Variants in CACNA1A observed in about 807,000 individuals in gnomAD.
The protein encoded by CACNA1A is calcium voltage-gated channel subunit alpha1 A.
Under a neutral mutation model 262.4 loss-of-function variants are expected in CACNA1A, and 57 were observed. That is an observed-to-expected ratio of 0.22 (90% CI 0.18 to 0.27). The LOEUF is 0.27. Among genes scored for constraint, CACNA1A ranks in the 10% least tolerant of loss-of-function variants. The pLI is 1.00. For missense variants in CACNA1A, 2,526 were observed against 3,562.8 expected, an observed-to-expected ratio of 0.71 and a Z score of 7.41; for synonymous variants, 1,431 against 1,419.3, an observed-to-expected ratio of 1.01 and a Z score of -0.18.
intron 40 of CACNA1A, among the ~76,000 whole-genome samples, chr19:13,213,293 G>GT (rs2054885496): frequency 6.6e-6 from 1 of 152,054 alleles, no homozygotes. Flanking sequence ...ACCCTTCCAG[G>GT]TATTGCTTAG....
intron 19 of CACNA1A, 32 bp downstream of exon 19, chr19:13,298,512 C>G: frequency 6.6e-7 from 1 of 1,511,342 alleles, no homozygotes; most frequent in Non-Finnish European, 8.9e-7. Context: ...ATGTTACCGT[C>G]ATTCTGCGGA....
chr19:13,298,668 C>A lies in CACNA1A; in HGVS notation c.2965G>T (p.Gly989Cys). ...HREGSRPARG[G>C]EGEGEGPDGG... Reference sequence around the variant, plus strand: ...TCGGGGCCCTCGCCCTCGCCCTCGCCGCCCCGGGCCGGCCGGCTGCCCTCG... The same window carrying A: ...TCGGGGCCCTCGCCCTCGCCCTCGCAGCCCCGGGCCGGCCGGCTGCCCTCG... Residue 989 changes from glycine to cysteine, a missense_variant, in exon 19 of 47, where the codon GGC (glycine) becomes TGC (cysteine). Transcript: ENST00000360228. 6.7e-7 allele frequency: 1 copy of A among 1,483,968 alleles called. No homozygotes were observed. The highest frequency in any genetic ancestry group is 8.9e-7 in the Non-Finnish European group (1 of 1,119,436). The allele number at this position is 1,483,968 out of a possible 1,614,324, so 91.9% of individuals were successfully genotyped here.
chr19:13,351,201 A>G (rs904065737), intron 6 of CACNA1A, among the ~76,000 whole-genome samples: 1 of 152,186 alleles, frequency 6.6e-6, no homozygotes, highest in African/African-American at 2.4e-5. Context: ...CCACTCTCAA[A>G]GTAGGGGAGA....
In CACNA1A at chr19:13,402,859, C is replaced by T. The variant is rs867086092; in HGVS notation, c.540-31080G>A. On this transcript the variant is annotated intron_variant, in intron 3 of 46. Coordinates refer to ENST00000360228, the MANE Select transcript of CACNA1A (RefSeq NM_001127222.2). ...ACATATATATACACATATATATATA[C>T]ACACACACACACACATATATATATA... 2.0e-3 allele frequency among the ~76,000 whole-genome samples: 117 copies of T among 58,788 alleles called. 1 individual carries two copies. The highest frequency in any genetic ancestry group is 1.8e-3 in the Non-Finnish European group (62 of 33,784). 38.6% of individuals were successfully genotyped at this position (58,788 alleles called of 152,430 possible).
intron 10 of CACNA1A, among the ~76,000 whole-genome samples, chr19:13,320,747 G>A (rs1031051926): frequency 2.6e-5 from 4 of 151,778 alleles, no homozygotes; most frequent in African/African-American, 9.7e-5. Context: ...CCTGTCTCTC[G>A]TTTTTCTCTG....
At chr19:13,386,304 G>A (rs2059612501) in intron 3 of CACNA1A, among the ~76,000 whole-genome samples, 1 of 152,180 alleles carries the variant, frequency 6.6e-6, no homozygotes, top group Non-Finnish European at 1.5e-5. Context: ...CTTGCAATAA[G>A]AGCACTTGTC....
rs200003882 is a variant in CACNA1A at position 13,385,666 on chromosome 19, ATTTATT to A, written c.540-13893_540-13888del. On this transcript the variant is annotated intron_variant, in intron 3 of 46. Transcript: ENST00000360228. ...AAGCCACTGTGCCTGGCTTTGCAAA[ATTTATT>A]TTTATTTTTTATTTTATTTTTTAGA... Among the ~76,000 whole-genome samples, 140 of 152,128 alleles carry A rather than the reference ATTTATT, an allele frequency of 9.2e-4. 2 individuals are homozygous for A. The East Asian group carries it at 0.024, about 26-fold the overall frequency.
At chr19:13,369,547 T>C (rs974910025) in intron 4 of CACNA1A, among the ~76,000 whole-genome samples, 2 of 152,224 alleles carry the variant, frequency 1.3e-5, no homozygotes, top group Non-Finnish European at 2.9e-5. Flanking sequence ...CTTCTCCATC[T>C]GTAAATGGGG....
At chr19:13,385,213 T>TTTTCTATTCTTTC (rs1437348969) in intron 3 of CACNA1A, among the ~76,000 whole-genome samples, 1 of 151,624 alleles carries the variant, frequency 6.6e-6, no homozygotes, top group African/African-American at 2.4e-5. Flanking sequence ...AGGGCAGATA[T>TTTTCTATTCTTTC]TTTCTATTCT....
chr19:13,207,462 A>C lies in CACNA1A; in HGVS notation c.7372T>G (p.Ser2458Ala), dbSNP rs771160113. ...TGRSPRTPRA[S>A]GPACASPSRH... ...GAAGGCGAGGCGCAGGCCGGGCCCGAGGCCCGGGGAGTCCTGGGCGAGCGC... is the reference window on the plus strand; with the variant it reads ...GAAGGCGAGGCGCAGGCCGGGCCCGCGGCCCGGGGAGTCCTGGGCGAGCGC... Residue 2458 changes from serine (S) to alanine (A), a missense_variant, in exon 47 of 47, where the codon TCG (serine) becomes GCG (alanine). Around this residue, in one of 17 missense-constraint regions of CACNA1A, gnomAD observed 929 missense variants for 868.1 expected, o/e 1.07. Coordinates refer to ENST00000360228, the MANE Select transcript of CACNA1A (RefSeq NM_001127222.2). This position sits in a 1 kb window ranked among gnomAD's most constrained non-coding sequence, Gnocchi z 5.7. 2 of 1,485,354 alleles carry C rather than the reference A, an allele frequency of 1.3e-6. No individual in the cohort carries two copies. The highest frequency in any genetic ancestry group is 2.5e-5 in the South Asian group (2 of 80,684). The allele number at this position is 1,485,354 out of a possible 1,614,324, so 92.0% of individuals were successfully genotyped here. A position where few individuals can be genotyped will look rare whatever the true frequency, so the allele number is the denominator to read the frequency against.
In CACNA1A at chr19:13,365,297, A is replaced by C; in HGVS notation, c.784+20T>G. The C allele has an allele frequency of 1.2e-6, 2 of 1,601,126 alleles. No homozygotes were observed. Among genetic ancestry groups the C allele is most frequent in the Non-Finnish European group, 1.7e-6 (2 of 1,171,074 alleles). On this transcript the variant is annotated intron_variant, in intron 5 of 46. Coordinates refer to ENST00000360228, the MANE Select transcript of CACNA1A (RefSeq NM_001127222.2). ...CTGAAGGAGAAAACTGGAAAGATGC[A>C]TCATGCTCCGTGGACCTACCTGTCC...
intron 1 of CACNA1A, among the ~76,000 whole-genome samples, chr19:13,464,730 A>G (rs12985934): frequency 0.22 from 32,227 of 149,752 alleles, 3,565 homozygotes; most frequent in East Asian, 0.37. Flanking sequence ...TAGTATTTTT[A>G]GTAGAGACGG....
At position 13,419,213 on chromosome 19, in the gene CACNA1A, T is replaced by C. The variant is rs191442361; in HGVS notation, c.539+33663A>G. 2.8e-3 allele frequency among the ~76,000 whole-genome samples: 419 copies of C among 152,360 alleles called. 2 individuals carry two copies. The highest frequency in any genetic ancestry group is 9.6e-3 in the African/African-American group (399 of 41,596). Reference sequence around the variant, plus strand: ...CAAATACTTACCATTGTGTTACAACTGCCTACAGTATTCAAGACAGTAACC... The same window carrying C: ...CAAATACTTACCATTGTGTTACAACCGCCTACAGTATTCAAGACAGTAACC... On this transcript the variant is annotated intron_variant, in intron 3 of 46. Transcript: ENST00000360228.
At chr19:13,358,627 C>G (rs747778368) in intron 6 of CACNA1A, among the ~76,000 whole-genome samples, 1 of 152,092 alleles carries the variant, frequency 6.6e-6, no homozygotes, top group Non-Finnish European at 1.5e-5. Context: ...TTCTGAGGAA[C>G]TAAAGGGGTT....
intron 1 of CACNA1A, among the ~76,000 whole-genome samples, chr19:13,502,220 A>C (rs1982465455): frequency 6.6e-6 from 1 of 151,842 alleles, no homozygotes; most frequent in Non-Finnish European, 1.5e-5. Flanking sequence ...CAGATGTCAA[A>C]GTGATGTCAC....
intron 6 of CACNA1A, among the ~76,000 whole-genome samples, chr19:13,354,581 G>A (rs1037018609): frequency 6.6e-6 from 1 of 152,182 alleles, no homozygotes; most frequent in Non-Finnish European, 1.5e-5. Flanking sequence ...AGAGAGAGGG[G>A]TTATCTCACT....
At chr19:13,258,318 G>A (rs902133573) in intron 27 of CACNA1A, 1 of 152,276 alleles carries the variant, frequency 6.6e-6, no homozygotes, top group Non-Finnish European at 1.5e-5. Flanking sequence ...GGTGGTGCTG[G>A]GTGCTCAGGA....
intron 3 of CACNA1A, among the ~76,000 whole-genome samples, chr19:13,396,647 G>A (rs560971245): frequency 5.2e-4 from 79 of 152,320 alleles, no homozygotes; most frequent in African/African-American, 1.8e-3. Context: ...CTATCCTGCT[G>A]TACCATGCAG....
chr19:13,239,500 T>C (rs2055998256), intron 31 of CACNA1A, among the ~76,000 whole-genome samples: 1 of 152,204 alleles, frequency 6.6e-6, no homozygotes, highest in South Asian at 2.1e-4. Context: ...AGTAATGGTG[T>C]CTGCTTCTGC....
Sources: gnomAD v4.1 joint callset for allele counts (sites outside exome capture counted in the v4.1 genomes callset) on GRCh38, gnomAD v4.1.1 for gene constraint, gnomAD v4.1.1 regional missense constraint, Gnocchi (gnomAD v3.1) non-coding constraint, MANE v1.5 for transcripts, NCBI Gene and HGNC (gene_info 2026-07-23, HGNC 2026-07-21) for gene names.